AGBL4: variants seen among roughly 807,000 people sequenced by gnomAD.
AGBL4 encodes the protein cytosolic carboxypeptidase 6.
In AGBL4, 58 loss-of-function variants were observed where a neutral mutation model predicts 66.4. The ratio of observed to expected loss-of-function variants is 0.87; its 90% CI spans 0.71 to 1.09. AGBL4 has a LOEUF of 1.09. Among genes scored for constraint, AGBL4 ranks in the 50% least tolerant of loss-of-function variants. The pLI, the probability that AGBL4 is intolerant of heterozygous loss-of-function variation, is 0.00. For missense variants in AGBL4, 579 were observed against 631.0 expected (o/e 0.92, Z 0.88); for synonymous variants, 234 against 222.9 (o/e 1.05, Z -0.44).
chr1:50,004,567 T>C (rs1660994257), intron 1 of AGBL4, among the ~76,000 whole-genome samples: 1 of 152,156 alleles, frequency 6.6e-6, no homozygotes, highest in African/African-American at 2.4e-5. Context: ...TCTTGCAACT[T>C]GGATACCAGC....
chr1:49,347,674 A>T (rs912010934), intron 3 of AGBL4, among the ~76,000 whole-genome samples: 1 of 151,626 alleles, frequency 6.6e-6, no homozygotes, highest in Non-Finnish European at 1.5e-5. Context: ...CCCGGCCAAC[A>T]TGGTGAAGCC....
At chr1:49,401,883 G>A (rs966694220) in intron 3 of AGBL4, among the ~76,000 whole-genome samples, 1 of 151,834 alleles carries the variant, frequency 6.6e-6, no homozygotes, top group African/African-American at 2.4e-5. Context: ...TACAGGTTTT[G>A]GATTTCTTCA....
At chr1:49,582,826 G>C (rs1644570917) in intron 3 of AGBL4, among the ~76,000 whole-genome samples, 1 of 152,130 alleles carries the variant, frequency 6.6e-6, no homozygotes, top group Non-Finnish European at 1.5e-5. Flanking sequence ...CTGGTCCCTA[G>C]CTGATCCTAG....
chr1:48,883,451 C>T (rs1374545694), intron 5 of AGBL4, among the ~76,000 whole-genome samples: 1 of 152,188 alleles, frequency 6.6e-6, no homozygotes, highest in Non-Finnish European at 1.5e-5. Flanking sequence ...CATTTATAGA[C>T]TGAAGTAATT....
intron 6 of AGBL4, among the ~76,000 whole-genome samples, chr1:48,713,350 GGGGA>G (rs1330439145): frequency 1.3e-5 from 2 of 152,152 alleles, no homozygotes; most frequent in African/African-American, 4.8e-5. Flanking sequence ...GCCATTCTTA[GGGGA>G]CAGCCAGGTT....
intron 3 of AGBL4, among the ~76,000 whole-genome samples, chr1:49,410,452 G>A (rs977258643): frequency 6.6e-6 from 1 of 152,158 alleles, no homozygotes; most frequent in African/African-American, 2.4e-5. Context: ...GTCAGCAGGG[G>A]TTGTGGAAGG....
intron 2 of AGBL4, among the ~76,000 whole-genome samples, chr1:49,714,605 CATAT>C (rs1374793185): frequency 7.0e-6 from 1 of 143,778 alleles, no homozygotes; most frequent in South Asian, 2.1e-4. Flanking sequence ...CACACACACA[CATAT>C]ATATATATCT....
chr1:49,408,912 C>T (rs1645259716), intron 3 of AGBL4, among the ~76,000 whole-genome samples: 1 of 152,176 alleles, frequency 6.6e-6, no homozygotes, highest in Non-Finnish European at 1.5e-5. Flanking sequence ...ATACATCTGT[C>T]CTATTAGTCC....
At chr1:49,091,019 T>C (rs1182466075) in intron 4 of AGBL4, among the ~76,000 whole-genome samples, 1 of 152,046 alleles carries the variant, frequency 6.6e-6, no homozygotes, top group African/African-American at 2.4e-5. Flanking sequence ...GGTGCTGGGA[T>C]TACTGACTAG....
intron 7 of AGBL4, among the ~76,000 whole-genome samples, chr1:48,656,518 T>C (rs905848982): frequency 2.6e-5 from 4 of 152,138 alleles, no homozygotes; most frequent in African/African-American, 4.8e-5. Context: ...TGGCAAAGGC[T>C]CTGATGGGAA....
intron 1 of AGBL4, among the ~76,000 whole-genome samples, chr1:49,988,263 A>G (rs977385902): frequency 2.6e-5 from 4 of 152,174 alleles, no homozygotes; most frequent in Non-Finnish European, 5.9e-5. Flanking sequence ...ATGCAATTCT[A>G]ATCAAGTTTT....
Position 49,443,930 on chromosome 1 carries a change from C to T in AGBL4, c.283-198066G>A, listed in dbSNP as rs555570812. 4.7e-3 allele frequency among the ~76,000 whole-genome samples: 712 copies of T among 151,924 alleles called. 5 individuals are homozygous for T. The highest frequency in any genetic ancestry group is 0.011 in the Admixed American group (171 of 15,266). ...TATAAACTTCACTCTTAGCACTGCTCTTGCTCTATTCCACAGGTTTTCTTA... is the reference window on the plus strand; with the variant it reads ...TATAAACTTCACTCTTAGCACTGCTTTTGCTCTATTCCACAGGTTTTCTTA... On this transcript the variant is annotated intron_variant, in intron 3 of 13. Transcript: ENST00000371839.
intron 3 of AGBL4, among the ~76,000 whole-genome samples, chr1:49,478,304 C>T (rs1646885345): frequency 6.6e-6 from 1 of 151,296 alleles, no homozygotes; most frequent in South Asian, 2.1e-4. Flanking sequence ...AAAAAAAGGA[C>T]TCTAAGAGGA....
At chr1:49,139,379 A>C (rs572148272) in intron 4 of AGBL4, among the ~76,000 whole-genome samples, 1 of 152,126 alleles carries the variant, frequency 6.6e-6, no homozygotes, top group Non-Finnish European at 1.5e-5. Context: ...TTATTCATTC[A>C]TCCATCTACC....
At chr1:49,607,887 C>T (rs1406818356) in intron 3 of AGBL4, among the ~76,000 whole-genome samples, 1 of 152,068 alleles carries the variant, frequency 6.6e-6, no homozygotes, top group South Asian at 2.1e-4. Flanking sequence ...TTGTACAAAA[C>T]CCAAATTTAA....
intron 2 of AGBL4, among the ~76,000 whole-genome samples, chr1:49,776,732 CACA>C (rs1197101354): frequency 5.9e-5 from 9 of 152,084 alleles, no homozygotes; most frequent in African/African-American, 2.2e-4. Flanking sequence ...GTGCTGATCC[CACA>C]ACATCATACT....
At chr1:48,875,061 C>T (rs753035560) in intron 5 of AGBL4, among the ~76,000 whole-genome samples, 3 of 152,140 alleles carry the variant, frequency 2.0e-5, no homozygotes, top group African/African-American at 4.8e-5. Context: ...TATGTATGTG[C>T]CAGGTATCTT....
chr1:49,755,836 T>C (rs1319727211), intron 2 of AGBL4, among the ~76,000 whole-genome samples: 1 of 152,230 alleles, frequency 6.6e-6, no homozygotes, highest in Non-Finnish European at 1.5e-5. Context: ...CACCCATATT[T>C]GTGCCAGAGT....
At chr1:48,777,455 C>T (rs893415844) in intron 6 of AGBL4, among the ~76,000 whole-genome samples, 3 of 150,498 alleles carry the variant, frequency 2.0e-5, no homozygotes, top group East Asian at 2.0e-4. Context: ...CCGCGCCTTT[C>T]CCAGCCCTTA....
Sources: allele counts gnomAD v4.1 joint callset (sites outside exome capture counted in the v4.1 genomes callset), GRCh38; gene constraint gnomAD v4.1.1; transcripts MANE v1.5; gene names NCBI Gene and HGNC (gene_info 2026-07-23, HGNC 2026-07-21).